PDZD8: variants seen among roughly 807,000 people sequenced by gnomAD.
The protein encoded by PDZD8 is PDZ domain-containing protein 8.
PDZD8 carries 14 observed loss-of-function variants against 85.8 expected under a neutral mutation model. That is an observed-to-expected ratio of 0.16 (90% CI 0.11 to 0.26). The LOEUF (loss-of-function observed/expected upper bound fraction) is 0.26, where lower values mean the gene tolerates loss of function less well. Among genes scored for constraint, PDZD8 ranks in the 10% least tolerant of loss-of-function variants. The pLI, the probability that PDZD8 is intolerant of heterozygous loss-of-function variation, is 1.00. For synonymous variants in PDZD8, 592 were observed against 568.6 expected (o/e 1.04, Z -0.59); for missense variants, 1,197 against 1,424.3 (o/e 0.84, Z 2.57).
intron 3 of PDZD8, among the ~76,000 whole-genome samples, chr10:117,295,722 T>G (rs570096156): frequency 6.6e-6 from 1 of 152,216 alleles, no homozygotes; most frequent in South Asian, 2.1e-4. Flanking sequence ...TCAATGTAAT[T>G]TATCGTGTTA....
intron 3 of PDZD8, among the ~76,000 whole-genome samples, chr10:117,296,567 G>C (rs1843762277): frequency 6.6e-6 from 1 of 152,074 alleles, no homozygotes; most frequent in African/African-American, 2.4e-5. Flanking sequence ...TTCAAGGCTT[G>C]CTATATGTTA....
At chr10:117,309,960 T>G (rs1420420828) in intron 3 of PDZD8, among the ~76,000 whole-genome samples, 1 of 152,150 alleles carries the variant, frequency 6.6e-6, no homozygotes, top group Non-Finnish European at 1.5e-5. Flanking sequence ...GATGTCACTT[T>G]CATTCTAAAA....
At chr10:117,341,932 A>T (rs2133847980) in intron 1 of PDZD8, among the ~76,000 whole-genome samples, 1 of 152,318 alleles carries the variant, frequency 6.6e-6, no homozygotes, top group Admixed American at 6.5e-5. Context: ...CAGTATGCTA[A>T]GTGCTTTTTA....
intron 2 of PDZD8, among the ~76,000 whole-genome samples, chr10:117,319,234 T>C (rs187785415): frequency 6.6e-6 from 1 of 152,076 alleles, no homozygotes; most frequent in African/African-American, 2.4e-5. Flanking sequence ...ACTCATTAGG[T>C]AAAGAAATTG....
chr10:117,295,083 T>G (rs1271618155), intron 3 of PDZD8, among the ~76,000 whole-genome samples: 1 of 151,086 alleles, frequency 6.6e-6, no homozygotes, highest in Admixed American at 6.6e-5. Context: ...AAGGTGGAGG[T>G]TGCATTGAGC....
chr10:117,319,970 T>C (rs1703183936), intron 2 of PDZD8, among the ~76,000 whole-genome samples: 1 of 151,954 alleles, frequency 6.6e-6, no homozygotes, highest in African/African-American at 2.4e-5. Context: ...AAAAACTGTG[T>C]CCGCAGGTTA....
rs186444961 is a variant in PDZD8 at position 117,336,847 on chromosome 10, A to G, written c.995+4133T>C. Among the ~76,000 whole-genome samples the G allele has an allele frequency of 7.7e-4, 118 of 152,258 alleles. 2 individuals are homozygous for G. In the East Asian group the frequency reaches 0.018, roughly 23 times the overall value. ...CTCTTGGTAACAGAATAGAATGTCA[A>G]CTGCTGTGGTTTTCTGTATTTGTGT... is the stretch of plus-strand genomic sequence containing the variant. On this transcript the variant is annotated intron_variant, in intron 2 of 4. Coordinates refer to ENST00000334464, the MANE Select transcript of PDZD8 (RefSeq NM_173791.5).
rs138363683 is a variant in PDZD8, at chr10:117,282,041, T to C, written c.*1227A>G. 6.6e-6 allele frequency: 1 copy of C among 152,340 alleles called. No individual in the cohort carries two copies. Among genetic ancestry groups the C allele is most frequent in the East Asian group, 1.9e-4 (1 of 5,182 alleles). 9.4% of individuals were successfully genotyped at this position (152,340 alleles called of 1,614,324 possible). A position where few individuals can be genotyped will look rare whatever the true frequency, so the allele number is the denominator to read the frequency against. ...CCGTAAAATGGACCCAGTGTGAGTA[T>C]ATCTTCATTTTCAGAGAACTGGTCC... is the stretch of plus-strand genomic sequence containing the variant. On this transcript the variant is annotated 3_prime_UTR_variant, in exon 5 of 5. Coordinates refer to ENST00000334464, the MANE Select transcript of PDZD8 (RefSeq NM_173791.5).
chr10:117,337,655 T>C (rs1466037481), intron 2 of PDZD8, among the ~76,000 whole-genome samples: 1 of 152,174 alleles, frequency 6.6e-6, no homozygotes, highest in Non-Finnish European at 1.5e-5. Flanking sequence ...CCGTTTTTTC[T>C]TCACAGATAC....
At chr10:117,344,456 C>T (rs1019805953) in intron 1 of PDZD8, among the ~76,000 whole-genome samples, 15 of 152,152 alleles carry the variant, frequency 9.9e-5, no homozygotes, top group Non-Finnish European at 1.3e-4. Flanking sequence ...GGCACAATCT[C>T]GGCTCACTGC....
intron 3 of PDZD8, among the ~76,000 whole-genome samples, chr10:117,296,626 AATGG>A (rs1843763973): frequency 6.6e-6 from 1 of 152,110 alleles, no homozygotes; most frequent in African/African-American, 2.4e-5. Flanking sequence ...CACATGAAAT[AATGG>A]AATGATAGTC....
intron 1 of PDZD8, among the ~76,000 whole-genome samples, chr10:117,354,630 T>A (rs551800462): frequency 6.6e-6 from 1 of 151,798 alleles, no homozygotes; most frequent in South Asian, 2.1e-4. Flanking sequence ...ACTGCAGTCA[T>A]ATTTCAGGCT....
chr10:117,330,953 T>C (rs1844411557), intron 2 of PDZD8, among the ~76,000 whole-genome samples: 1 of 152,216 alleles, frequency 6.6e-6, no homozygotes, highest in Non-Finnish European at 1.5e-5. Context: ...TCCTGAATCT[T>C]ATCCATGAAG....
At position 117,373,817 on chromosome 10, in the gene PDZD8, TTGCAAGAG is replaced by T. The variant is rs532572298; in HGVS notation, c.872+531_872+538del. 1.1e-4 allele frequency among the ~76,000 whole-genome samples: 16 copies of T among 152,120 alleles called. No individual in the cohort carries two copies. The South Asian group carries it at 3.1e-3, about 30-fold the overall frequency. ...AAAAAAAACCCACAAAAGTATTCCT[TTGCAAGAG>T]TTACCACCTCTGCCTTGAAAGGTGT... On this transcript the variant is annotated intron_variant, in intron 1 of 4. Coordinates refer to ENST00000334464, the MANE Select transcript of PDZD8 (RefSeq NM_173791.5).
At chr10:117,336,221 T>A (rs928485956) in intron 2 of PDZD8, among the ~76,000 whole-genome samples, 1 of 152,216 alleles carries the variant, frequency 6.6e-6, no homozygotes, top group African/African-American at 2.4e-5. Context: ...TTTCTACTTG[T>A]GGCATCATGT....
intron 1 of PDZD8, among the ~76,000 whole-genome samples, chr10:117,369,022 C>CG (rs1317785155): frequency 6.6e-6 from 1 of 151,706 alleles, no homozygotes; most frequent in Non-Finnish European, 1.5e-5. Flanking sequence ...TTAGTAGAAG[C>CG]GGGGTTTCAC....
At chr10:117,360,164 C>A (rs1844972051) in intron 1 of PDZD8, among the ~76,000 whole-genome samples, 2 of 152,102 alleles carry the variant, frequency 1.3e-5, no homozygotes, top group Non-Finnish European at 2.9e-5. Flanking sequence ...GGCTGCAGGT[C>A]CCTCATAATA....
At chr10:117,331,667 T>G (rs983178963) in intron 2 of PDZD8, among the ~76,000 whole-genome samples, 5 of 152,230 alleles carry the variant, frequency 3.3e-5, no homozygotes, top group East Asian at 3.8e-4. Flanking sequence ...TAAAACATTT[T>G]GGAGTATGGC....
Position 117,278,630 on chromosome 10 carries a change from G to A in PDZD8, c.*4638C>T, listed in dbSNP as rs1362186565. Reference sequence around the variant, plus strand: ...TCATAAACAAAAATTACTTAGTTTCGTTAAGCTAAGATTGTGTTTGTGTTA... The same window carrying A: ...TCATAAACAAAAATTACTTAGTTTCATTAAGCTAAGATTGTGTTTGTGTTA... On this transcript the variant is annotated 3_prime_UTR_variant, in exon 5 of 5. Coordinates refer to ENST00000334464, the MANE Select transcript of PDZD8 (RefSeq NM_173791.5). 2 of 151,708 alleles carry A rather than the reference G, an allele frequency of 1.3e-5. No individual in the cohort carries two copies. Among genetic ancestry groups the A allele is most frequent in the African/African-American group, 4.9e-5 (2 of 41,192 alleles). The allele number at this position is 151,708 out of a possible 1,614,324, so 9.4% of individuals were successfully genotyped here.
Sources: gnomAD v4.1 joint callset for allele counts (sites outside exome capture counted in the v4.1 genomes callset) on GRCh38, gnomAD v4.1.1 for gene constraint, MANE v1.5 for transcripts, NCBI Gene and HGNC (gene_info 2026-07-23, HGNC 2026-07-21) for gene names.